Variants in CDH10 observed in about 807,000 individuals in gnomAD.
The protein encoded by CDH10 is cadherin-10.
A neutral mutation model predicts 73.1 loss-of-function variants in CDH10; 30 were observed. That is an observed-to-expected ratio of 0.41 (90% CI 0.31 to 0.56). The LOEUF is 0.56. Ranked by LOEUF, CDH10 falls within the 20% of genes least tolerant of loss-of-function variation. The pLI is 0.27. For synonymous variants in CDH10, 345 were observed against 348.2 expected (o/e 0.99, Z 0.10); for missense variants, 815 against 973.7 (o/e 0.84, Z 2.17).
intron 2 of CDH10, among the ~76,000 whole-genome samples, chr5:24,547,254 G>C (rs1297076041): frequency 6.6e-6 from 1 of 152,102 alleles, no homozygotes; most frequent in African/African-American, 2.4e-5. Context: ...AGCAACAGCA[G>C]GCCAACGTTC....
At chr5:24,594,161 G>C (rs1348883983) in intron 1 of CDH10, among the ~76,000 whole-genome samples, 1 of 151,892 alleles carries the variant, frequency 6.6e-6, no homozygotes, top group Non-Finnish European at 1.5e-5. Flanking sequence ...CCTTTGAAGT[G>C]CTCTCCTCTC....
chr5:24,613,355 A>G (rs1747016717), intron 1 of CDH10: 1 of 151,956 alleles, frequency 6.6e-6, no homozygotes, highest in African/African-American at 2.4e-5. Context: ...GTTACATAAG[A>G]CTCATTTTCA....
intron 1 of CDH10, among the ~76,000 whole-genome samples, chr5:24,636,591 A>C (rs141517345): frequency 6.6e-6 from 1 of 151,986 alleles, no homozygotes; most frequent in African/African-American, 2.4e-5. Context: ...GTTCGTAAAA[A>C]TTTTCTGTAT....
intron 1 of CDH10, among the ~76,000 whole-genome samples, chr5:24,619,352 C>G (rs192771333): frequency 9.0e-4 from 137 of 152,228 alleles, no homozygotes; most frequent in Middle Eastern, 3.4e-3. Flanking sequence ...CACCACCACG[C>G]CCAGCTAATT....
intron 2 of CDH10, among the ~76,000 whole-genome samples, chr5:24,547,804 C>T (rs114161702): frequency 6.6e-6 from 1 of 152,112 alleles, no homozygotes; most frequent in Non-Finnish European, 1.5e-5. Context: ...TTCTCAGTGC[C>T]TCTAGAAACT....
intron 8 of CDH10, among the ~76,000 whole-genome samples, chr5:24,500,957 TTTCCAC>T (rs1322916139): frequency 6.6e-6 from 1 of 152,154 alleles, no homozygotes; most frequent in African/African-American, 2.4e-5. Flanking sequence ...ATCTCATTAT[TTTCCAC>T]TTCCTCTATG....
At chr5:24,628,450 A>T (rs1747583562) in intron 1 of CDH10, among the ~76,000 whole-genome samples, 1 of 152,122 alleles carries the variant, frequency 6.6e-6, no homozygotes, top group Non-Finnish European at 1.5e-5. Context: ...GAAAAATGCT[A>T]GGAGTGGAGA....
intron 2 of CDH10, among the ~76,000 whole-genome samples, chr5:24,568,704 T>C (rs1561168768): frequency 6.6e-6 from 1 of 152,156 alleles, no homozygotes; most frequent in Non-Finnish European, 1.5e-5. Context: ...GCAATGTTCA[T>C]ACCAGCATTA....
chr5:24,521,148 A>G (rs1743314234), intron 5 of CDH10, among the ~76,000 whole-genome samples: 1 of 152,202 alleles, frequency 6.6e-6, no homozygotes, highest in East Asian at 1.9e-4. Context: ...AACACCCCCA[A>G]AACAAAACAA....
intron 5 of CDH10, among the ~76,000 whole-genome samples, chr5:24,531,295 T>C (rs967784057): frequency 1.3e-5 from 2 of 152,100 alleles, no homozygotes; most frequent in African/African-American, 2.4e-5. Context: ...TGCCAGTCAC[T>C]GATGCTTTTA....
rs1554016940 is a variant in CDH10, at chr5:24,504,506, C to CTGTTTTTTTTTTTTT, written c.1393+605_1393+606insAAAAAAAAAAAAACA. ...TATTAAATGCTTTTCTCCTATTAAT[C>CTGTTTTTTTTTTTTT]TTTTTTTTTTTTTTTTTTTTTTTTT... is the stretch of plus-strand genomic sequence containing the variant. On this transcript the variant is annotated intron_variant, in intron 8 of 11. Coordinates refer to ENST00000264463, the MANE Select transcript of CDH10 (RefSeq NM_006727.5). 1.5e-3 allele frequency among the ~76,000 whole-genome samples: 96 copies of CTGTTTTTTTTTTTTT among 65,164 alleles called. 39 individuals carry two copies. The highest frequency in any genetic ancestry group is 0.018 in the Middle Eastern group (2 of 112). 42.8% of individuals were successfully genotyped at this position (65,164 alleles called of 152,430 possible).
chr5:24,641,645 T>C (rs990020066), intron 1 of CDH10, among the ~76,000 whole-genome samples: 2 of 152,098 alleles, frequency 1.3e-5, no homozygotes, highest in South Asian at 4.1e-4. Context: ...CGCTTCTTTT[T>C]ACTACTTAAA....
chr5:24,523,868 A>G (rs913196755), intron 5 of CDH10, among the ~76,000 whole-genome samples: 1 of 152,138 alleles, frequency 6.6e-6, no homozygotes, highest in Non-Finnish European at 1.5e-5. Flanking sequence ...ATTAAAATGA[A>G]TCTAAATTTT....
intron 1 of CDH10, among the ~76,000 whole-genome samples, chr5:24,634,063 A>G (rs74522707): frequency 0.019 from 2,905 of 151,984 alleles, 113 homozygotes; most frequent in African/African-American, 0.066. Context: ...TCACGTTGTG[A>G]AGCCTAATTT....
chr5:24,593,753 G>T (rs1458069724), intron 1 of CDH10, 140 bp from the exon 2 acceptor site: 11 of 423,032 alleles, frequency 2.6e-5, no homozygotes, highest in Non-Finnish European at 2.5e-5. Context: ...ATAACGGATA[G>T]CTTTGAGAAA....
At chr5:24,566,337 C>T (rs1456295983) in intron 2 of CDH10, among the ~76,000 whole-genome samples, 2 of 152,140 alleles carry the variant, frequency 1.3e-5, no homozygotes, top group Non-Finnish European at 2.9e-5. Flanking sequence ...AGTGAGCCAC[C>T]ACTCCCGGCC....
rs181573268 is a variant in CDH10, at chr5:24,491,483, G to A, written c.1876+93C>T. Reference sequence around the variant, plus strand: ...ATTTATGTCTATCTTAAAATTTGGGGTGGTTTTGGGGGAGGGATTTTAATA... The same window carrying A: ...ATTTATGTCTATCTTAAAATTTGGGATGGTTTTGGGGGAGGGATTTTAATA... On this transcript the variant is annotated intron_variant, in intron 11 of 11. Transcript: ENST00000264463. 2.9e-4 allele frequency: 304 copies of A among 1,034,368 alleles called. 1 individual carries two copies. In the African/African-American group the frequency reaches 4.5e-3, roughly 15 times the overall value. The allele number at this position is 1,034,368 out of a possible 1,614,324, so 64.1% of individuals were successfully genotyped here.
chr5:24,546,222 C>T (rs1021786251), intron 2 of CDH10, among the ~76,000 whole-genome samples: 2 of 151,678 alleles, frequency 1.3e-5, no homozygotes, highest in Non-Finnish European at 2.9e-5. Context: ...ACAAACAATG[C>T]TAACACAGTA....
At chr5:24,571,570 G>C (rs898317928) in intron 2 of CDH10, among the ~76,000 whole-genome samples, 1 of 152,098 alleles carries the variant, frequency 6.6e-6, no homozygotes, top group African/African-American at 2.4e-5. Flanking sequence ...CTAAATTTAA[G>C]ACACTGACTA....
Sources: allele counts gnomAD v4.1 joint callset (sites outside exome capture counted in the v4.1 genomes callset), GRCh38; gene constraint gnomAD v4.1.1; transcripts MANE v1.5; gene names NCBI Gene and HGNC (gene_info 2026-07-23, HGNC 2026-07-21).